The following EPB41L3 variants were observed in gnomAD, a reference collection of about 807,000 sequenced individuals.
EPB41L3 encodes the protein erythrocyte membrane protein band 4.1 like 3.
In EPB41L3, 57 loss-of-function variants were observed where a neutral mutation model predicts 127.1. The ratio of observed to expected loss-of-function variants is 0.45; its 90% CI spans 0.36 to 0.56. The LOEUF (loss-of-function observed/expected upper bound fraction) is 0.56. Among genes scored for constraint, EPB41L3 ranks in the 20% least tolerant of loss-of-function variants. The pLI, the probability that EPB41L3 is intolerant of heterozygous loss-of-function variation, is 0.00. For synonymous variants in EPB41L3, 572 were observed against 549.5 expected (o/e 1.04, Z -0.57); for missense variants, 1,273 against 1,372.2 (o/e 0.93, Z 1.14).
chr18:5,399,753 T>TA (rs2074186910), intron 16 of EPB41L3: 1 of 164,144 alleles, frequency 6.1e-6, no homozygotes, highest in Non-Finnish European at 1.3e-5. Flanking sequence ...TGTGTGGGGA[T>TA]AAAAGTTTTC....
chr18:5,493,587 C>T (rs1224166035), intron 1 of EPB41L3, among the ~76,000 whole-genome samples: 1 of 151,262 alleles, frequency 6.6e-6, no homozygotes, highest in South Asian at 2.1e-4. Context: ...AAAAAAATGC[C>T]CTAGTATCAT....
intron 12 of EPB41L3, among the ~76,000 whole-genome samples, chr18:5,417,316 G>A (rs1358403446): frequency 6.6e-6 from 1 of 152,190 alleles, no homozygotes; most frequent in East Asian, 1.9e-4. Context: ...GTGAGCTCAA[G>A]CTTTTATGGG....
intron 3 of EPB41L3, among the ~76,000 whole-genome samples, chr18:5,571,609 G>C (rs1423466703): frequency 6.6e-6 from 1 of 152,206 alleles, no homozygotes; most frequent in Non-Finnish European, 1.5e-5. Context: ...AGCGACCTGA[G>C]TTAGAATCAT....
At position 5,448,331 on chromosome 18, in the gene EPB41L3, C is replaced by A. The variant is rs984274395; in HGVS notation, c.382-3087G>T. On this transcript the variant is annotated intron_variant, in intron 3 of 22. Transcript: ENST00000341928. The stretch of plus-strand genomic sequence containing the variant: ...GCCCTGGACTGGATCCCTTCTCTCC[C>A]AACTCTAAAAATGTCTTGATTCTTC... Among the ~76,000 whole-genome samples the A allele has an allele frequency of 5.3e-5, 8 of 152,216 alleles. 1 individual carries two copies. The highest frequency in any genetic ancestry group is 4.6e-4 in the Admixed American group (7 of 15,296).
At chr18:5,401,295 G>A (rs1278624675) in intron 16 of EPB41L3, among the ~76,000 whole-genome samples, 1 of 151,986 alleles carries the variant, frequency 6.6e-6, no homozygotes, top group African/African-American at 2.4e-5. Context: ...GTTAACTTTG[G>A]TGTTTATATA....
At chr18:5,424,184 AT>A (rs1248305545) in intron 10 of EPB41L3, 77 bp downstream of exon 10, 1 of 1,008,642 alleles carries the variant, frequency 9.9e-7, no homozygotes, top group South Asian at 2.4e-5. Flanking sequence ...AAAATTCCAT[AT>A]TTTTTATTGA....
chr18:5,394,347 T>A (rs1027549633), intron 22 of EPB41L3: 1 of 191,422 alleles, frequency 5.2e-6, no homozygotes. Context: ...ACATGGCAAG[T>A]AAAATCAAAT....
At chr18:5,560,988 TTTA>T (rs869081092) in intron 3 of EPB41L3, among the ~76,000 whole-genome samples, 1 of 99,900 alleles carries the variant, frequency 1.0e-5, no homozygotes, top group African/African-American at 3.4e-5. Context: ...TATTTATTTA[TTTA>T]TTTTGAGATG....
chr18:5,457,464 G>A (rs2083288998), intron 3 of EPB41L3, among the ~76,000 whole-genome samples: 1 of 151,836 alleles, frequency 6.6e-6, no homozygotes, highest in African/African-American at 2.4e-5. Context: ...GGCACAGTAG[G>A]CAGTGAAGTG....
chr18:5,501,428 C>T (rs147868472), intron 1 of EPB41L3, among the ~76,000 whole-genome samples: 49 of 152,280 alleles, frequency 3.2e-4, no homozygotes, highest in African/African-American at 1.2e-3. Context: ...TGGTATACTG[C>T]ACTAAACAGA....
At chr18:5,542,599 C>T (rs2093763921) in intron 1 of EPB41L3, among the ~76,000 whole-genome samples, 1 of 152,190 alleles carries the variant, frequency 6.6e-6, no homozygotes, top group South Asian at 2.1e-4. Flanking sequence ...CTGCCCGGCC[C>T]TCTCAGGACC....
chr18:5,423,477 C>T lies in EPB41L3; in HGVS notation c.1240G>A (p.Ala414Thr), dbSNP rs775613980. The change falls in exon 11 of 23, where the codon GCG (alanine) becomes ACG (threonine). Residue 414 changes from alanine to threonine, a missense_variant. By Grantham distance (58) the Ala-to-Thr change is moderately conservative (BLOSUM62 0). Around this residue, in one of 3 missense-constraint regions of EPB41L3, gnomAD observed 326 missense variants for 440.2 expected, o/e 0.74. Transcript: ENST00000341928. ...SKFRYSGRTQ[A>T]QTRRASALID... ...AACGCACTGGCTCTTCTCGTTTGCG[C>T]TTGTGTCCTGCCACTATAACGAAAC... 2 of 1,613,924 alleles carry T rather than the reference C, an allele frequency of 1.2e-6. No individual in the cohort carries two copies. The highest frequency in any genetic ancestry group is 1.7e-5 in the Admixed American group (1 of 60,016).
chr18:5,427,815 G>T (rs886841522), intron 9 of EPB41L3, among the ~76,000 whole-genome samples: 1 of 151,694 alleles, frequency 6.6e-6, no homozygotes, highest in Non-Finnish European at 1.5e-5. Context: ...GCACGATCTC[G>T]GCTCACTGCA....
chr18:5,557,308 T>C (rs1022032655), intron 3 of EPB41L3, among the ~76,000 whole-genome samples: 3 of 152,248 alleles, frequency 2.0e-5, no homozygotes, highest in East Asian at 1.9e-4. Context: ...GGGCTTTTCC[T>C]AACATGTTTT....
At chr18:5,608,435 G>A (rs1266431110) in intron 3 of EPB41L3, among the ~76,000 whole-genome samples, 1 of 152,178 alleles carries the variant, frequency 6.6e-6, no homozygotes, top group Admixed American at 6.6e-5. Context: ...AGAGGCACAT[G>A]AGCACGCACA....
chr18:5,580,290 C>A (rs2094380275), intron 3 of EPB41L3, among the ~76,000 whole-genome samples: 2 of 152,058 alleles, frequency 1.3e-5, no homozygotes, highest in African/African-American at 4.8e-5. Flanking sequence ...CACACTCAAG[C>A]ACACAGACAC....
At chr18:5,448,788 A>G (rs2081894134) in intron 3 of EPB41L3, among the ~76,000 whole-genome samples, 1 of 152,216 alleles carries the variant, frequency 6.6e-6, no homozygotes, top group Non-Finnish European at 1.5e-5. Context: ...AGAGTAACAA[A>G]CCAACGGTGG....
intron 11 of EPB41L3, 80 bp downstream of exon 11, chr18:5,423,298 A>G (rs2077710823): frequency 7.3e-7 from 1 of 1,362,966 alleles, no homozygotes; most frequent in Middle Eastern, 2.1e-4. Context: ...GAATATCTAT[A>G]CTTACTGAAA....
intron 6 of EPB41L3, among the ~76,000 whole-genome samples, chr18:5,436,403 C>CTT (rs34862547): frequency 0.016 from 1,631 of 100,492 alleles, 11 homozygotes; most frequent in Non-Finnish European, 0.021. Context: ...CATTTTCTTT[C>CTT]TTTTTTTTTT....
Sources: allele counts gnomAD v4.1 joint callset (sites outside exome capture counted in the v4.1 genomes callset), GRCh38; gene constraint gnomAD v4.1.1; regional missense constraint gnomAD v4.1.1; transcripts MANE v1.5; gene names NCBI Gene and HGNC (gene_info 2026-07-23, HGNC 2026-07-21).